NPAS3: variants seen among roughly 807,000 people sequenced by gnomAD.
NPAS3 encodes neuronal PAS domain protein 3.
Under a neutral mutation model 73.1 loss-of-function variants are expected in NPAS3, and 14 were observed. That is an observed-to-expected ratio of 0.19 (90% confidence interval 0.13 to 0.30). The LOEUF is 0.30. Among genes scored for constraint, NPAS3 ranks in the 10% least tolerant of loss-of-function variants. NPAS3 has a pLI of 1.00. For missense variants in NPAS3, 1,096 were observed against 1,250.0 expected (o/e 0.88, Z 1.86); for synonymous variants, 620 against 541.5 (o/e 1.14, Z -2.01).
chr14:33,093,865 A>G (rs1043902132), intron 2 of NPAS3, among the ~76,000 whole-genome samples: 1 of 152,128 alleles, frequency 6.6e-6, no homozygotes, highest in Non-Finnish European at 1.5e-5. Context: ...AAAGTATCAC[A>G]AGGAGAACAA....
intron 4 of NPAS3, among the ~76,000 whole-genome samples, chr14:33,557,586 T>C (rs2055417093): frequency 6.6e-6 from 1 of 152,238 alleles, no homozygotes; most frequent in Non-Finnish European, 1.5e-5. Flanking sequence ...AGTTATTAAG[T>C]CCCACTGCCA....
At chr14:33,012,504 A>C (rs1179990517) in intron 1 of NPAS3, among the ~76,000 whole-genome samples, 1 of 151,808 alleles carries the variant, frequency 6.6e-6, no homozygotes, top group East Asian at 1.9e-4. Context: ...TCTTCAAATT[A>C]AATGGTGTCA....
At position 33,793,890 on chromosome 14, in the gene NPAS3, TCGCCAG is replaced by T; in HGVS notation, c.1154-6_1154-1del. 6.2e-7 allele frequency: 1 copy of T among 1,606,444 alleles called. No individual in the cohort carries two copies. On this transcript the variant is annotated splice_acceptor_variant and splice_polypyrimidine_tract_variant and intron_variant, in intron 9 of 11. Transcript: ENST00000356141. LOFTEE classifies it high-confidence loss of function. ...TACAATGCCTCTGTTTTGTTTTTTT[TCGCCAG>T]TGCTGAATAAGGGTCAGTGTGTGAC...
At chr14:33,092,646 A>G (rs59084751) in intron 2 of NPAS3, among the ~76,000 whole-genome samples, 2,926 of 152,352 alleles carry the variant, frequency 0.019, 92 homozygotes, top group African/African-American at 0.067. Flanking sequence ...ACCTAAAAAG[A>G]GCCCGCATTG....
At chr14:33,716,021 T>TA (rs1327121307) in intron 6 of NPAS3, among the ~76,000 whole-genome samples, 3 of 152,196 alleles carry the variant, frequency 2.0e-5, no homozygotes, top group Admixed American at 2.0e-4. Flanking sequence ...TCTTTTTCTT[T>TA]ATAAATTACC....
intron 4 of NPAS3, among the ~76,000 whole-genome samples, chr14:33,482,207 T>C (rs2051364751): frequency 6.6e-6 from 1 of 152,192 alleles, no homozygotes; most frequent in Non-Finnish European, 1.5e-5. Flanking sequence ...ATGAGTCTCC[T>C]CTAGAATTAA....
chr14:33,510,368 A>G (rs552025310), intron 4 of NPAS3, among the ~76,000 whole-genome samples: 26 of 152,170 alleles, frequency 1.7e-4, no homozygotes, highest in African/African-American at 5.8e-4. Context: ...CGCTGCTATG[A>G]TTCAGAGGTT....
intron 2 of NPAS3, among the ~76,000 whole-genome samples, chr14:33,207,830 G>A (rs1669947046): frequency 6.6e-6 from 1 of 152,222 alleles, no homozygotes; most frequent in South Asian, 2.1e-4. Flanking sequence ...TATATCAGCT[G>A]TGTCATCCAT....
chr14:32,941,228 CCCT>C (rs1362093697), intron 1 of NPAS3, among the ~76,000 whole-genome samples: 23 of 53,868 alleles, frequency 4.3e-4, no homozygotes, highest in African/African-American at 1.7e-3. Flanking sequence ...CTCCCTCCCT[CCCT>C]TCCCCTCCTC....
chr14:33,524,508 C>A (rs2053703639), intron 4 of NPAS3, among the ~76,000 whole-genome samples: 1 of 152,172 alleles, frequency 6.6e-6, no homozygotes, highest in East Asian at 1.9e-4. Flanking sequence ...AATCAATAAT[C>A]TGCCAAACCC....
chr14:33,736,837 T>G (rs1172598656), intron 7 of NPAS3, among the ~76,000 whole-genome samples: 1 of 152,202 alleles, frequency 6.6e-6, no homozygotes, highest in Non-Finnish European at 1.5e-5. Context: ...CAATATTAAG[T>G]ATAATTCAAT....
intron 2 of NPAS3, among the ~76,000 whole-genome samples, chr14:33,116,880 C>T (rs1409155897): frequency 6.6e-6 from 1 of 152,110 alleles, no homozygotes; most frequent in African/African-American, 2.4e-5. Flanking sequence ...ACATGTAGTC[C>T]AACCATATGC....
intron 3 of NPAS3, among the ~76,000 whole-genome samples, chr14:33,302,714 G>A (rs2042602809): frequency 1.3e-5 from 2 of 152,182 alleles, no homozygotes; most frequent in South Asian, 4.1e-4. Context: ...ACTCCTACTA[G>A]TGGTAGTTCT....
At chr14:33,254,590 T>C (rs1229907400) in intron 3 of NPAS3, among the ~76,000 whole-genome samples, 1 of 152,156 alleles carries the variant, frequency 6.6e-6, no homozygotes, top group Admixed American at 6.6e-5. Flanking sequence ...TTAAGTTAAT[T>C]ATGTATTGAA....
At chr14:33,307,128 G>A (rs748884584) in intron 3 of NPAS3, among the ~76,000 whole-genome samples, 3 of 152,142 alleles carry the variant, frequency 2.0e-5, no homozygotes, top group South Asian at 2.1e-4. Context: ...CAGCTTGTAA[G>A]TGATTCCTTA....
chr14:32,937,874 T>C (rs2035749144), upstream of NPAS3, among the ~76,000 whole-genome samples: 2 of 152,098 alleles, frequency 1.3e-5, no homozygotes, highest in African/African-American at 4.8e-5. Context: ...GTCCACACGC[T>C]TCTGATTGGT....
rs574428495 is a variant in NPAS3, at chr14:33,146,935, G to T, written c.141-68247G>T. 2.3e-4 allele frequency among the ~76,000 whole-genome samples: 35 copies of T among 152,310 alleles called. No individual in the cohort carries two copies. In the South Asian group the frequency reaches 4.1e-3, roughly 18 times the overall value. ...GGATTAAATTTTTGCTGTACCAAGGGACTTGATATTTCAAGGAACCTTGCT... is the reference window on the plus strand; with the variant it reads ...GGATTAAATTTTTGCTGTACCAAGGTACTTGATATTTCAAGGAACCTTGCT... On this transcript the variant is annotated intron_variant, in intron 2 of 11. Coordinates refer to ENST00000356141, the Ensembl canonical transcript of NPAS3.
chr14:32,935,857 A>C (rs944979246), upstream of NPAS3, among the ~76,000 whole-genome samples: 5 of 152,276 alleles, frequency 3.3e-5, no homozygotes, highest in African/African-American at 1.2e-4. Flanking sequence ...GTAATCCACG[A>C]AAATGCGCTG....
chr14:33,455,952 G>T (rs569429811), intron 4 of NPAS3, among the ~76,000 whole-genome samples: 1 of 152,306 alleles, frequency 6.6e-6, no homozygotes, highest in African/African-American at 2.4e-5. Context: ...CCATCTTCTT[G>T]TCCTGGGGGT....
Sources: allele counts gnomAD v4.1 joint callset (sites outside exome capture counted in the v4.1 genomes callset), GRCh38; gene constraint gnomAD v4.1.1; transcripts MANE v1.5; gene names NCBI Gene and HGNC (gene_info 2026-07-23, HGNC 2026-07-21).